HPCAL1: variants seen among roughly 807,000 people sequenced by gnomAD.
The protein encoded by HPCAL1 is hippocalcin-like protein 1.
HPCAL1 carries 8 observed loss-of-function variants against 17.1 expected under a neutral mutation model. The observed-to-expected ratio is 0.47, with a 90% CI of 0.27 to 0.84. The LOEUF is 0.84. Among genes scored for constraint, HPCAL1 ranks in the 40% least tolerant of loss-of-function variants. HPCAL1 has a pLI of 0.13. For synonymous variants in HPCAL1, 112 were observed against 111.4 expected, an observed-to-expected ratio of 1.01 and a Z score of -0.03; for missense variants, 165 against 271.1, an observed-to-expected ratio of 0.61 and a Z score of 2.75.
intron 1 of HPCAL1, among the ~76,000 whole-genome samples, chr2:10,321,755 C>T (rs944660823): frequency 6.6e-6 from 1 of 152,218 alleles, no homozygotes; most frequent in African/African-American, 2.4e-5. Context: ...CTTTACCAAG[C>T]ACAGTGTTTT....
chr2:10,378,223 GTTTTTTTTT>G (rs58697364), intron 1 of HPCAL1, among the ~76,000 whole-genome samples: 1 of 96,254 alleles, frequency 1.0e-5, no homozygotes, highest in African/African-American at 4.2e-5. Context: ...GTGGTTTCAT[GTTTTTTTTT>G]TTTTTTTTTT....
rs3036402 is a variant in HPCAL1, at chr2:10,374,308, C to CAAAA, written c.-110-22518_-110-22515dup. On this transcript the variant is annotated intron_variant, in intron 1 of 4. Transcript: ENST00000307845. ...ATCAGAAAATTGGCAAAATACAGGG[C>CAAAA]AAAAAAAAAAAATCACTGGTGGTCG... Among the ~76,000 whole-genome samples the CAAAA allele has an allele frequency of 6.3e-3, 938 of 148,868 alleles. 11 individuals carry two copies. The highest frequency in any genetic ancestry group is 0.014 in the African/African-American group (568 of 40,566).
At chr2:10,388,631 A>C (rs1209492755) in intron 1 of HPCAL1, among the ~76,000 whole-genome samples, 2 of 151,834 alleles carry the variant, frequency 1.3e-5, no homozygotes, top group Non-Finnish European at 2.9e-5. Flanking sequence ...TTTTTGTAGC[A>C]CTCTCTGGTT....
rs113216827 is a variant in HPCAL1 at position 10,368,235 on chromosome 2, A to G, written c.-110-28600A>G. On this transcript the variant is annotated intron_variant, in intron 1 of 4. Coordinates refer to ENST00000307845, the MANE Select transcript of HPCAL1 (RefSeq NM_002149.4). ...GGGGTGTGCGTGTGTACACATATGC[A>G]TGTGTGTGTGTGCATTGTGTGTAGG... 8.0e-3 allele frequency among the ~76,000 whole-genome samples: 1,133 copies of G among 142,152 alleles called. 12 individuals are homozygous for G. The highest frequency in any genetic ancestry group is 0.037 in the Middle Eastern group (10 of 268). The allele number at this position is 142,152 out of a possible 152,430, so 93.3% of individuals were successfully genotyped here. A position where few individuals can be genotyped will look rare whatever the true frequency, so the allele number is the denominator to read the frequency against.
intron 2 of HPCAL1, among the ~76,000 whole-genome samples, chr2:10,417,832 A>G (rs1670766913): frequency 6.6e-6 from 1 of 152,082 alleles, no homozygotes; most frequent in Admixed American, 6.6e-5. Context: ...GCTTGAAGCT[A>G]GGAGCTTGAG....
chr2:10,399,208 GCACCACCAC>G (rs113515977), intron 2 of HPCAL1, among the ~76,000 whole-genome samples: 53 of 5,072 alleles, frequency 0.01, 2 homozygotes, highest in African/African-American at 0.026. Context: ...TAATATCACT[GCACCACCAC>G]CACCACCACC....
chr2:10,315,014 A>G (rs756486531), intron 1 of HPCAL1, among the ~76,000 whole-genome samples: 16 of 152,292 alleles, frequency 1.1e-4, no homozygotes, highest in Admixed American at 3.3e-4. Context: ...TATGCAGGCC[A>G]GGCGCGGTGG....
chr2:10,391,050 C>A (rs1450414544), intron 1 of HPCAL1, among the ~76,000 whole-genome samples: 1 of 152,232 alleles, frequency 6.6e-6, no homozygotes, highest in Non-Finnish European at 1.5e-5. Context: ...CAGCACTAAT[C>A]TGCATGCACC....
intron 2 of HPCAL1, among the ~76,000 whole-genome samples, chr2:10,404,556 A>G (rs1051782744): frequency 1.3e-5 from 2 of 152,144 alleles, no homozygotes; most frequent in Non-Finnish European, 2.9e-5. Context: ...GACGGAGATG[A>G]GAGGAGGGAC....
intron 1 of HPCAL1, among the ~76,000 whole-genome samples, chr2:10,314,250 G>A (rs928578992): frequency 1.3e-5 from 2 of 151,974 alleles, no homozygotes; most frequent in African/African-American, 4.8e-5. Flanking sequence ...TGATAACATT[G>A]AGGAATACAT....
intron 2 of HPCAL1, among the ~76,000 whole-genome samples, chr2:10,398,872 C>T (rs2125580824): frequency 6.6e-6 from 1 of 152,180 alleles, no homozygotes; most frequent in South Asian, 2.1e-4. Flanking sequence ...AAGTATTTTT[C>T]TCAGCAGAAA....
chr2:10,422,285 C>T (rs1025308165), intron 3 of HPCAL1, among the ~76,000 whole-genome samples: 5 of 152,346 alleles, frequency 3.3e-5, no homozygotes, highest in Admixed American at 1.3e-4. Context: ...TATCAAGCCA[C>T]CTTCACGTGG....
At chr2:10,364,096 G>T (rs1666688866) in intron 1 of HPCAL1, among the ~76,000 whole-genome samples, 1 of 152,248 alleles carries the variant, frequency 6.6e-6, no homozygotes, top group African/African-American at 2.4e-5. Flanking sequence ...TTTGGGAGGA[G>T]CTTGCAGTGA....
At position 10,402,794 on chromosome 2, in the gene HPCAL1, T is replaced by C. The variant is rs1669706024; in HGVS notation, c.-25+5874T>C. On this transcript the variant is annotated intron_variant, in intron 2 of 4. Transcript: ENST00000307845. The stretch of plus-strand genomic sequence containing the variant: ...CTGGTGTGGACACCAGGCAGGCACC[T>C]GAGAGCCCTCCCACCTTGAGCTCAG... Among the ~76,000 whole-genome samples, 2 of 152,146 alleles carry C rather than the reference T, an allele frequency of 1.3e-5. 1 individual carries two copies. The highest frequency in any genetic ancestry group is 4.8e-5 in the African/African-American group (2 of 41,432).
intron 1 of HPCAL1, among the ~76,000 whole-genome samples, chr2:10,309,002 G>C (rs1478211600): frequency 6.6e-6 from 1 of 152,056 alleles, no homozygotes; most frequent in Non-Finnish European, 1.5e-5. Context: ...TCAGGGATTT[G>C]AGCCTGGGCA....
At chr2:10,358,202 G>T (rs1666302160) in intron 1 of HPCAL1, among the ~76,000 whole-genome samples, 1 of 152,234 alleles carries the variant, frequency 6.6e-6, no homozygotes. Flanking sequence ...GTAACATCAG[G>T]TTGTCAGGCC....
At chr2:10,335,776 G>A (rs753612859) in intron 1 of HPCAL1, among the ~76,000 whole-genome samples, 9 of 152,114 alleles carry the variant, frequency 5.9e-5, no homozygotes, top group South Asian at 4.1e-4. Context: ...ATACCTCTCC[G>A]GCACTTGTGT....
chr2:10,392,970 G>A (rs549768096), intron 1 of HPCAL1, among the ~76,000 whole-genome samples: 5 of 152,298 alleles, frequency 3.3e-5, no homozygotes, highest in Admixed American at 3.3e-4. Flanking sequence ...TCTCCCAAGC[G>A]CTCAGCCAAA....
intron 1 of HPCAL1, among the ~76,000 whole-genome samples, chr2:10,376,683 C>T (rs1367310000): frequency 2.0e-5 from 3 of 152,190 alleles, no homozygotes; most frequent in Non-Finnish European, 4.4e-5. Context: ...GTGATCTGCC[C>T]GCCTCGGCTT....
Sources: gnomAD v4.1 joint callset for allele counts (sites outside exome capture counted in the v4.1 genomes callset) on GRCh38, gnomAD v4.1.1 for gene constraint, MANE v1.5 for transcripts, NCBI Gene and HGNC (gene_info 2026-07-23, HGNC 2026-07-21) for gene names.